The following ROBO1 variants were observed in gnomAD, a reference collection of about 807,000 sequenced individuals.
The protein encoded by ROBO1 is roundabout guidance receptor 1.
Under a neutral mutation model 195.9 loss-of-function variants are expected in ROBO1, and 149 were observed. That is an observed-to-expected ratio of 0.76 (90% confidence interval 0.67 to 0.87). The LOEUF (loss-of-function observed/expected upper bound fraction) is 0.87, where lower values mean the gene tolerates loss of function less well. Ranked by LOEUF, ROBO1 falls within the 40% of genes least tolerant of loss-of-function variation. The pLI, the probability that ROBO1 is intolerant of heterozygous loss-of-function variation, is 0.00. For missense variants in ROBO1, 1,933 were observed against 2,068.3 expected, an observed-to-expected ratio of 0.93 and a Z score of 1.27; for synonymous variants, 816 against 733.2, an observed-to-expected ratio of 1.11 and a Z score of -1.82.
At chr3:79,746,550 T>A (rs1041680859) in intron 1 of ROBO1, among the ~76,000 whole-genome samples, 4 of 152,108 alleles carry the variant, frequency 2.6e-5, no homozygotes, top group African/African-American at 4.8e-5. Context: ...ACAACAGTTA[T>A]GTTAGCTCAA....
At chr3:78,681,154 A>G (rs929876918) in intron 10 of ROBO1, among the ~76,000 whole-genome samples, 5 of 148,456 alleles carry the variant, frequency 3.4e-5, no homozygotes, top group Non-Finnish European at 7.5e-5. Context: ...GGACACAGGA[A>G]GGGGAACATC....
At chr3:79,249,680 G>C (rs1305891852) in intron 2 of ROBO1, among the ~76,000 whole-genome samples, 1 of 152,152 alleles carries the variant, frequency 6.6e-6, no homozygotes, top group Non-Finnish European at 1.5e-5. Flanking sequence ...TAGAATGCAA[G>C]TTTGTAACCT....
At chr3:79,071,218 T>C (rs1341359578) in intron 3 of ROBO1, among the ~76,000 whole-genome samples, 1 of 151,896 alleles carries the variant, frequency 6.6e-6, no homozygotes, top group Admixed American at 6.6e-5. Context: ...TAATCTATCA[T>C]ACAGATTTTA....
At chr3:79,376,061 A>G (rs2036371991) in intron 2 of ROBO1, among the ~76,000 whole-genome samples, 2 of 152,212 alleles carry the variant, frequency 1.3e-5, no homozygotes, top group Non-Finnish European at 2.9e-5. Context: ...TAACCTAACT[A>G]AGCTTAAATA....
intron 5 of ROBO1, among the ~76,000 whole-genome samples, chr3:78,727,992 T>C (rs546203750): frequency 1.3e-5 from 2 of 152,270 alleles, no homozygotes; most frequent in South Asian, 4.1e-4. Context: ...TATTTAAATA[T>C]CAAAGCAAAT....
intron 2 of ROBO1, among the ~76,000 whole-genome samples, chr3:79,525,025 A>G (rs536539687): frequency 2.2e-4 from 34 of 152,052 alleles, no homozygotes; most frequent in Non-Finnish European, 3.2e-4. Context: ...TATCTATTAA[A>G]TACTTGGAAA....
chr3:79,631,092 C>T (rs186414965), intron 1 of ROBO1, among the ~76,000 whole-genome samples: 60 of 151,710 alleles, frequency 4.0e-4, no homozygotes, highest in Non-Finnish European at 7.8e-4. Flanking sequence ...TCAACAGATT[C>T]AATGAAAATC....
intron 3 of ROBO1, among the ~76,000 whole-genome samples, chr3:78,948,416 C>A (rs2040578735): frequency 6.6e-6 from 1 of 152,180 alleles, no homozygotes; most frequent in Non-Finnish European, 1.5e-5. Flanking sequence ...ACAAAAACCA[C>A]ATGACTATCT....
intron 3 of ROBO1, among the ~76,000 whole-genome samples, chr3:79,055,766 G>A (rs1220849042): frequency 6.6e-6 from 1 of 152,110 alleles, no homozygotes; most frequent in African/African-American, 2.4e-5. Flanking sequence ...AAAGAAGACA[G>A]GGCTGGTTTA....
chr3:79,293,854 C>T (rs1273744861), intron 2 of ROBO1, among the ~76,000 whole-genome samples: 5 of 151,432 alleles, frequency 3.3e-5, no homozygotes, highest in Middle Eastern at 3.4e-3. Flanking sequence ...GTCAGGAGAT[C>T]GAGACCATCC....
chr3:79,049,068 G>A (rs1479211398), intron 3 of ROBO1, among the ~76,000 whole-genome samples: 1 of 152,122 alleles, frequency 6.6e-6, no homozygotes, highest in Non-Finnish European at 1.5e-5. Context: ...GACAGAAGTA[G>A]TCTTCAGAAG....
chr3:79,034,163 ATACTAT>A (rs2078343019), intron 3 of ROBO1, among the ~76,000 whole-genome samples: 1 of 152,196 alleles, frequency 6.6e-6, no homozygotes, highest in Admixed American at 6.5e-5. Flanking sequence ...ATCCTAGAAA[ATACTAT>A]TATTATAACA....
intron 4 of ROBO1, among the ~76,000 whole-genome samples, chr3:78,764,656 AACC>A (rs2083184509): frequency 1.3e-5 from 2 of 152,162 alleles, no homozygotes; most frequent in Admixed American, 1.3e-4. Flanking sequence ...ATCAAGCATT[AACC>A]ACATGAGAAA....
chr3:79,629,339 C>T (rs1291005562), intron 1 of ROBO1, among the ~76,000 whole-genome samples: 1 of 151,980 alleles, frequency 6.6e-6, no homozygotes, highest in Admixed American at 6.6e-5. Context: ...GAAATGAATA[C>T]CAAGAGGAAC....
chr3:78,980,021 T>C (rs2076959036), intron 3 of ROBO1, among the ~76,000 whole-genome samples: 1 of 152,134 alleles, frequency 6.6e-6, no homozygotes, highest in Non-Finnish European at 1.5e-5. Context: ...ATGTTACAAG[T>C]AAAACAATAA....
chr3:78,914,737 C>T (rs1472846012), intron 4 of ROBO1, among the ~76,000 whole-genome samples: 6 of 142,726 alleles, frequency 4.2e-5, no homozygotes, highest in Non-Finnish European at 9.2e-5. Context: ...ATATATTATA[C>T]CATGTATACA....
At chr3:78,660,411 C>T (rs1024553605) in intron 16 of ROBO1, 1 of 152,256 alleles carries the variant, frequency 6.6e-6, no homozygotes, top group African/African-American at 2.4e-5. Context: ...TGTTCTCCCC[C>T]GAAATGTTCA....
intron 5 of ROBO1, among the ~76,000 whole-genome samples, chr3:78,743,494 C>T (rs1398356018): frequency 2.6e-5 from 4 of 152,054 alleles, no homozygotes; most frequent in Admixed American, 6.6e-5. Flanking sequence ...AGCATTGAAC[C>T]GCTTTGCCTT....
At chr3:78,952,884 A>C (rs1033099707) in intron 3 of ROBO1, among the ~76,000 whole-genome samples, 7 of 152,098 alleles carry the variant, frequency 4.6e-5, no homozygotes, top group African/African-American at 1.2e-4. Flanking sequence ...AAACTTCTCC[A>C]GTCAAAATTT....
Sources: allele counts gnomAD v4.1 joint callset (sites outside exome capture counted in the v4.1 genomes callset), GRCh38; gene constraint gnomAD v4.1.1; transcripts MANE v1.5; gene names NCBI Gene and HGNC (gene_info 2026-07-23, HGNC 2026-07-21).